Variants in ELAVL2 observed in about 807,000 individuals in gnomAD.
ELAVL2 encodes the protein ELAV-like protein 2.
Under a neutral mutation model 34.6 loss-of-function variants are expected in ELAVL2, and 4 were observed. That is an observed-to-expected ratio of 0.12 (90% confidence interval 0.06 to 0.26). The LOEUF (loss-of-function observed/expected upper bound fraction) is 0.26, where lower values mean the gene tolerates loss of function less well. ELAVL2 is among the 10% of genes least tolerant of loss of function. The pLI is 1.00. For missense variants in ELAVL2, 432 were observed against 442.8 expected, an observed-to-expected ratio of 0.98 and a Z score of 0.22; for synonymous variants, 193 against 154.8, an observed-to-expected ratio of 1.25 and a Z score of -1.83.
intron 2 of ELAVL2, among the ~76,000 whole-genome samples, chr9:23,751,398 T>C (rs1267197270): frequency 6.6e-6 from 1 of 152,174 alleles, no homozygotes; most frequent in East Asian, 1.9e-4. Flanking sequence ...CTGAAATCTG[T>C]AAAGTCTGTG....
chr9:23,840,710 G>T, the ELAVL2 span, among the ~76,000 whole-genome samples: 1 of 152,108 alleles, frequency 6.6e-6, no homozygotes, highest in African/African-American at 2.4e-5. Flanking sequence ...ATAACCCCGG[G>T]AAATTGCAGT....
At chr9:23,710,896 T>C (rs2040754865) in intron 3 of ELAVL2, among the ~76,000 whole-genome samples, 1 of 152,010 alleles carries the variant, frequency 6.6e-6, no homozygotes. Context: ...CTCAGAAGTA[T>C]AGTACACAGA....
chr9:23,819,867 C>CGAA (rs2064284434), intron 1 of ELAVL2, among the ~76,000 whole-genome samples: 1 of 152,142 alleles, frequency 6.6e-6, no homozygotes, highest in Non-Finnish European at 1.5e-5. Context: ...CCTCTTCTTT[C>CGAA]TCTCCCCATA....
intron 3 of ELAVL2, among the ~76,000 whole-genome samples, chr9:23,729,329 C>T (rs1391999240): frequency 4.6e-5 from 7 of 152,078 alleles, no homozygotes; most frequent in East Asian, 1.9e-4. Context: ...TTAGCAGCAA[C>T]GCTGGAAATC....
At chr9:23,848,154 A>C in the ELAVL2 span, among the ~76,000 whole-genome samples, 1 of 152,096 alleles carries the variant, frequency 6.6e-6, no homozygotes, top group Non-Finnish European at 1.5e-5. Flanking sequence ...AACCCCAGGT[A>C]GTGTTAGTAT....
chr9:23,819,374 C>T (rs2064197079), intron 1 of ELAVL2, among the ~76,000 whole-genome samples: 1 of 152,110 alleles, frequency 6.6e-6, no homozygotes, highest in Non-Finnish European at 1.5e-5. Flanking sequence ...TCTATAAAAA[C>T]ACATCTTAGG....
intron 2 of ELAVL2, among the ~76,000 whole-genome samples, chr9:23,751,952 C>A (rs978668207): frequency 9.9e-5 from 15 of 152,130 alleles, no homozygotes; most frequent in Admixed American, 6.6e-4. Flanking sequence ...TTGTTCCACC[C>A]CTGGAAAATC....
chr9:23,733,614 A>C lies in ELAVL2; in HGVS notation c.230-2489T>G, dbSNP rs528356507. On this transcript the variant is annotated intron_variant, in intron 2 of 6. Transcript: ENST00000397312. ...ACCTATTACTTCAAAGAAACAGTTT[A>C]TTGGCCTCCTGAGGTCTGTCTGGGG... Among the ~76,000 whole-genome samples, 4 of 152,280 alleles carry C rather than the reference A, an allele frequency of 2.6e-5. No individual in the cohort carries two copies. In the East Asian group the frequency reaches 5.8e-4, roughly 22 times the overall value.
chr9:23,754,700 T>G (rs763797858), intron 2 of ELAVL2, among the ~76,000 whole-genome samples: 3 of 152,142 alleles, frequency 2.0e-5, no homozygotes, highest in Non-Finnish European at 2.9e-5. Flanking sequence ...TGACCTCCGG[T>G]GATTCGCCTG....
chr9:23,804,177 A>T (rs1554821), intron 1 of ELAVL2, among the ~76,000 whole-genome samples: 7,503 of 148,344 alleles, frequency 0.051, 286 homozygotes, highest in East Asian at 0.12. Context: ...TTATTTATTT[A>T]TTTATTTTTT....
intron 1 of ELAVL2, among the ~76,000 whole-genome samples, chr9:23,822,167 CTTTATGTG>C (rs2064890208): frequency 6.6e-6 from 1 of 152,136 alleles, no homozygotes; most frequent in South Asian, 2.1e-4. Flanking sequence ...GTGGGGGTTA[CTTTATGTG>C]TTCATAAATG....
chr9:23,750,171 T>C (rs2051562406), intron 2 of ELAVL2, among the ~76,000 whole-genome samples: 1 of 152,022 alleles, frequency 6.6e-6, no homozygotes, highest in Non-Finnish European at 1.5e-5. Context: ...AAATATCAAA[T>C]AGAGTAAGAA....
intron 1 of ELAVL2, among the ~76,000 whole-genome samples, chr9:23,777,672 A>G (rs1162577817): frequency 6.6e-6 from 1 of 152,134 alleles, no homozygotes; most frequent in Non-Finnish European, 1.5e-5. Context: ...GGTAAATTAA[A>G]ACTGAAGAAA....
At chr9:23,805,050 C>G (rs1444301961) in intron 1 of ELAVL2, among the ~76,000 whole-genome samples, 2 of 152,144 alleles carry the variant, frequency 1.3e-5, no homozygotes, top group Non-Finnish European at 2.9e-5. Flanking sequence ...AGCTGCAACA[C>G]TGGGAACATA....
At chr9:23,734,822 C>T (rs1564160920) in intron 2 of ELAVL2, among the ~76,000 whole-genome samples, 1 of 149,612 alleles carries the variant, frequency 6.7e-6, no homozygotes, top group East Asian at 1.9e-4. Flanking sequence ...GCAAACATTA[C>T]AAAAAAAAAT....
chr9:23,804,463 A>G (rs2061964651), intron 1 of ELAVL2, among the ~76,000 whole-genome samples: 1 of 152,160 alleles, frequency 6.6e-6, no homozygotes, highest in Admixed American at 6.6e-5. Context: ...CAAGATCAGC[A>G]CATACTCTTT....
chr9:23,775,577 G>C (rs772565849), intron 1 of ELAVL2, among the ~76,000 whole-genome samples: 1 of 152,014 alleles, frequency 6.6e-6, no homozygotes, highest in Non-Finnish European at 1.5e-5. Flanking sequence ...ACGGCTGTGG[G>C]GATCTAACTA....
rs1399057030 is a variant in ELAVL2 at position 23,702,788 on chromosome 9, T to G, written c.488-1184A>C. Among the ~76,000 whole-genome samples, 2 of 151,774 alleles carry G rather than the reference T, an allele frequency of 1.3e-5. 1 individual carries two copies. Among genetic ancestry groups the G allele is most frequent in the Non-Finnish European group, 2.9e-5 (2 of 67,936 alleles). ...GGCTGAATAAGAAAATTGCAGGGTT[T>G]CATTTTTCATTTCAGGTAAATTGAG... On this transcript the variant is annotated intron_variant, in intron 4 of 6. Transcript: ENST00000397312.
chr9:23,728,913 G>C (rs2045899678), intron 3 of ELAVL2, among the ~76,000 whole-genome samples: 1 of 152,068 alleles, frequency 6.6e-6, no homozygotes, highest in Non-Finnish European at 1.5e-5. Flanking sequence ...GAAAGAAGTA[G>C]CCTGCTATTT....
Sources: gnomAD v4.1 joint callset for allele counts (sites outside exome capture counted in the v4.1 genomes callset) on GRCh38, gnomAD v4.1.1 for gene constraint, MANE v1.5 for transcripts, NCBI Gene and HGNC (gene_info 2026-07-23, HGNC 2026-07-21) for gene names.